The following ANKS1B variants were observed in gnomAD, a reference collection of about 807,000 sequenced individuals.
ANKS1B encodes ankyrin repeat and sterile alpha motif domain containing 1B.
ANKS1B carries 36 observed loss-of-function variants against 148.3 expected under a neutral mutation model. The observed-to-expected ratio is 0.24, with a 90% CI of 0.19 to 0.32. ANKS1B has a LOEUF of 0.32. Ranked by LOEUF, ANKS1B falls within the 10% of genes least tolerant of loss-of-function variation. ANKS1B has a pLI of 1.00. For synonymous variants in ANKS1B, 542 were observed against 560.8 expected, an observed-to-expected ratio of 0.97 and a Z score of 0.47; for missense variants, 1,157 against 1,542.6, an observed-to-expected ratio of 0.75 and a Z score of 4.19.
At chr12:99,548,109 T>C (rs2153154361) in intron 9 of ANKS1B, among the ~76,000 whole-genome samples, 1 of 152,320 alleles carries the variant, frequency 6.6e-6, no homozygotes, top group Non-Finnish European at 1.5e-5. Context: ...TATTGAATTT[T>C]CTGTTAAGGA....
chr12:98,863,175 T>C (rs1418816962), intron 17 of ANKS1B, among the ~76,000 whole-genome samples: 1 of 152,230 alleles, frequency 6.6e-6, no homozygotes, highest in Non-Finnish European at 1.5e-5. Context: ...AATTAAGTTT[T>C]TACATTCAGT....
intron 9 of ANKS1B, among the ~76,000 whole-genome samples, chr12:99,620,331 G>A (rs1426038322): frequency 6.6e-6 from 1 of 152,158 alleles, no homozygotes; most frequent in East Asian, 1.9e-4. Flanking sequence ...AAATCTGAAT[G>A]TAGTGACACC....
At chr12:99,533,499 T>C (rs1231637506) in intron 9 of ANKS1B, among the ~76,000 whole-genome samples, 1 of 152,200 alleles carries the variant, frequency 6.6e-6, no homozygotes, top group Non-Finnish European at 1.5e-5. Flanking sequence ...TAGTTTGGCT[T>C]CCTCTTTTCC....
intron 14 of ANKS1B, among the ~76,000 whole-genome samples, chr12:99,209,994 C>A (rs928981248): frequency 6.6e-6 from 1 of 152,162 alleles, no homozygotes; most frequent in Non-Finnish European, 1.5e-5. Context: ...TGTGATAAAG[C>A]TCTCTCACCC....
Position 98,801,739 on chromosome 12 carries a change from G to A in ANKS1B, c.3142-614C>T, listed in dbSNP as rs1393581453. Among the ~76,000 whole-genome samples the A allele has an allele frequency of 1.3e-5, 2 of 152,128 alleles. No homozygotes were observed. The highest frequency in any genetic ancestry group is 2.1e-4 in the South Asian group (1 of 4,828). On this transcript the variant is annotated intron_variant, in intron 20 of 26. Coordinates refer to ENST00000683438, the MANE Select transcript of ANKS1B (RefSeq NM_001352186.2). This position sits in a 1 kb window ranked among gnomAD's most constrained non-coding sequence, Gnocchi z 5.2. ...AGCTACTTTTCTCAGAAAACCTAACGTACCAATGAAGACTAAACAGTGAAA... is the reference window on the plus strand; with the variant it reads ...AGCTACTTTTCTCAGAAAACCTAACATACCAATGAAGACTAAACAGTGAAA...
chr12:99,729,888 G>C (rs1236650747), intron 8 of ANKS1B, among the ~76,000 whole-genome samples: 1 of 151,872 alleles, frequency 6.6e-6, no homozygotes, highest in Non-Finnish European at 1.5e-5. Context: ...TTCCCTTTTT[G>C]CATATAAGTT....
rs2090529735 is a variant in ANKS1B, at chr12:99,864,907, C to A, written c.135-39518G>T. ...ATCCTGAGTTAGTACAGACAGAGAA[C>A]AATTGCAGCTTTCCTCTACTCCTTT... is the stretch of plus-strand genomic sequence containing the variant. On this transcript the variant is annotated intron_variant, in intron 1 of 26. Coordinates refer to ENST00000683438, the MANE Select transcript of ANKS1B (RefSeq NM_001352186.2). Among the ~76,000 whole-genome samples the A allele has an allele frequency of 3.9e-5, 6 of 152,304 alleles. No individual in the cohort carries two copies. In the South Asian group the frequency reaches 1.2e-3, roughly 32 times the overall value.
chr12:99,677,661 T>C (rs1413279104), intron 8 of ANKS1B, among the ~76,000 whole-genome samples: 1 of 152,210 alleles, frequency 6.6e-6, no homozygotes, highest in Non-Finnish European at 1.5e-5. Context: ...AATTCTCCAT[T>C]TTTTAAGAAG....
intron 10 of ANKS1B, among the ~76,000 whole-genome samples, chr12:99,465,109 C>G (rs1300010671): frequency 6.6e-6 from 1 of 152,218 alleles, no homozygotes; most frequent in Non-Finnish European, 1.5e-5. Flanking sequence ...AGAAACTCTA[C>G]AAGCCAGAAG....
At chr12:98,842,646 C>T (rs953041939) in intron 17 of ANKS1B, among the ~76,000 whole-genome samples, 5 of 152,106 alleles carry the variant, frequency 3.3e-5, no homozygotes, top group African/African-American at 1.2e-4. Flanking sequence ...TATGCAGTAT[C>T]GTATAAATAA....
intron 1 of ANKS1B, among the ~76,000 whole-genome samples, chr12:99,919,355 T>C (rs1217097377): frequency 1.3e-5 from 2 of 152,186 alleles, no homozygotes; most frequent in East Asian, 1.9e-4. Context: ...CCATCTAGCA[T>C]CCAGCAGCTA....
At chr12:99,651,064 TCAAA>T (rs1388486330) in intron 9 of ANKS1B, among the ~76,000 whole-genome samples, 2 of 152,268 alleles carry the variant, frequency 1.3e-5, no homozygotes, top group Admixed American at 6.5e-5. Context: ...TTTATTCCAA[TCAAA>T]CAAATCTGGG....
intron 11 of ANKS1B, among the ~76,000 whole-genome samples, chr12:99,422,481 G>A (rs2095118738): frequency 6.6e-6 from 1 of 152,150 alleles, no homozygotes; most frequent in African/African-American, 2.4e-5. Flanking sequence ...CTTCTTTAAG[G>A]AAGTAATCTT....
intron 12 of ANKS1B, among the ~76,000 whole-genome samples, chr12:99,289,716 A>G (rs2154007251): frequency 6.6e-6 from 1 of 152,152 alleles, no homozygotes; most frequent in South Asian, 2.1e-4. Context: ...AAAATTATTG[A>G]AACAAATGAA....
rs2097847466 is a variant in ANKS1B, at chr12:98,744,814, G to GTTCTT, written c.*920_*924dup. 1.0e-6 allele frequency: 1 copy of GTTCTT among 977,650 alleles called. No homozygotes were observed. The allele number at this position is 977,650 out of a possible 1,614,324, so 60.6% of individuals were successfully genotyped here. A position where few individuals can be genotyped will look rare whatever the true frequency, so the allele number is the denominator to read the frequency against. On this transcript the variant is annotated 3_prime_UTR_variant, in exon 27 of 27. Transcript: ENST00000683438. ...CACTAGATTTTTTTTTTTTTAACAT[G>GTTCTT]TTCTTTAAAACACTGTGAAGATTAA...
intron 8 of ANKS1B, among the ~76,000 whole-genome samples, chr12:99,711,047 C>T (rs1404709974): frequency 2.6e-5 from 4 of 152,128 alleles, no homozygotes; most frequent in African/African-American, 9.7e-5. Flanking sequence ...CCAACAGAAT[C>T]TATCCAACTT....
At chr12:99,314,854 A>G (rs2083757148) in intron 12 of ANKS1B, among the ~76,000 whole-genome samples, 1 of 152,220 alleles carries the variant, frequency 6.6e-6, no homozygotes, top group Non-Finnish European at 1.5e-5. Context: ...GGACATAGGC[A>G]TGGGCAAAGA....
intron 9 of ANKS1B, among the ~76,000 whole-genome samples, chr12:99,545,412 A>G (rs1196236621): frequency 1.3e-5 from 2 of 152,170 alleles, no homozygotes; most frequent in African/African-American, 2.4e-5. Context: ...AGGCGAAGCA[A>G]AACATAGACA....
chr12:98,811,713 A>T (rs1007124327), intron 19 of ANKS1B, among the ~76,000 whole-genome samples: 1 of 152,136 alleles, frequency 6.6e-6, no homozygotes, highest in Non-Finnish European at 1.5e-5. Context: ...CTATGTGGAG[A>T]GGTAGCTGAC....
Sources: gnomAD v4.1 joint callset for allele counts (sites outside exome capture counted in the v4.1 genomes callset) on GRCh38, gnomAD v4.1.1 for gene constraint, Gnocchi (gnomAD v3.1) non-coding constraint, MANE v1.5 for transcripts, NCBI Gene and HGNC (gene_info 2026-07-23, HGNC 2026-07-21) for gene names.